Variants in SERTAD2 observed in about 807,000 individuals in gnomAD.
The protein encoded by SERTAD2 is SERTA domain containing 2.
Under a neutral mutation model 15.4 loss-of-function variants are expected in SERTAD2, and 2 were observed. The observed-to-expected ratio is 0.13, with a 90% CI of 0.05 to 0.41. The LOEUF (loss-of-function observed/expected upper bound fraction) is 0.41, where lower values mean the gene tolerates loss of function less well. SERTAD2 is among the 10% of genes least tolerant of loss of function. The pLI, the probability that SERTAD2 is intolerant of heterozygous loss-of-function variation, is 0.99. For missense variants in SERTAD2, 333 were observed against 409.7 expected (o/e 0.81, Z 1.62); for synonymous variants, 180 against 178.0 (o/e 1.01, Z -0.09).
chr2:64,635,392 C>T lies in SERTAD2; in HGVS notation c.*535G>A, dbSNP rs1392195366. ...TACAAAAATATAAAATAAATTTGGG[C>T]AGCAGTTTTCTAAACAGCCATGTAA... On this transcript the variant is annotated 3_prime_UTR_variant, in exon 2 of 2. Transcript: ENST00000313349. 6.6e-6 allele frequency: 1 copy of T among 152,662 alleles called. No homozygotes were observed. Among genetic ancestry groups the T allele is most frequent in the Non-Finnish European group, 1.5e-5 (1 of 68,100 alleles). The allele number at this position is 152,662 out of a possible 1,614,324, so 9.5% of individuals were successfully genotyped here.
rs757562683 is a variant in SERTAD2 at position 64,635,919 on chromosome 2, C to G, written c.*8G>C. On this transcript the variant is annotated 3_prime_UTR_variant, in exon 2 of 2. Coordinates refer to ENST00000313349, the MANE Select transcript of SERTAD2 (RefSeq NM_014755.3). Reference sequence around the variant, plus strand: ...TCTGGGTGGGCATAGTCGCTGGGTCCCTGGGTCTTAGGACCCAACAAGCAC... The same window carrying G: ...TCTGGGTGGGCATAGTCGCTGGGTCGCTGGGTCTTAGGACCCAACAAGCAC... The G allele has an allele frequency of 6.2e-7, 1 of 1,601,166 alleles. No individual in the cohort carries two copies. Among genetic ancestry groups the G allele is most frequent in the Non-Finnish European group, 8.6e-7 (1 of 1,169,076 alleles).
intron 1 of SERTAD2, among the ~76,000 whole-genome samples, chr2:64,637,483 T>C (rs1446925706): frequency 6.6e-6 from 1 of 152,216 alleles, no homozygotes; most frequent in African/African-American, 2.4e-5. Context: ...ACTGCACCTG[T>C]GTTAAATGAC....
intron 1 of SERTAD2, among the ~76,000 whole-genome samples, chr2:64,648,819 T>C (rs1447632924): frequency 6.6e-6 from 1 of 152,194 alleles, no homozygotes; most frequent in Admixed American, 6.5e-5. Context: ...TTTTATTTTA[T>C]ATTTCTGGAC....
At chr2:64,639,997 G>A (rs973864822) in intron 1 of SERTAD2, among the ~76,000 whole-genome samples, 1 of 152,080 alleles carries the variant, frequency 6.6e-6, no homozygotes, top group South Asian at 2.1e-4. Context: ...GCACCTCAGA[G>A]GTGTGAATAC....
rs1674580865 is a variant in SERTAD2, at chr2:64,633,482, C to T, written c.*2445G>A. On this transcript the variant is annotated 3_prime_UTR_variant, in exon 2 of 2. Transcript: ENST00000313349. Reference sequence around the variant, plus strand: ...TAAGTTACTGTAAATCAGTTTTTAACAATGGCAAACCAACTGTTTTACCCT... The same window carrying T: ...TAAGTTACTGTAAATCAGTTTTTAATAATGGCAAACCAACTGTTTTACCCT... 1 of 152,208 alleles carries T rather than the reference C, an allele frequency of 6.6e-6. No individual in the cohort carries two copies. Among genetic ancestry groups the T allele is most frequent in the Non-Finnish European group, 1.5e-5 (1 of 68,030 alleles). 9.4% of individuals were successfully genotyped at this position (152,208 alleles called of 1,614,324 possible).
intron 1 of SERTAD2, among the ~76,000 whole-genome samples, chr2:64,651,914 A>G (rs188325094): frequency 1.1e-3 from 171 of 152,212 alleles, no homozygotes; most frequent in African/African-American, 3.1e-3. Context: ...GGGTTGGGGG[A>G]TGTCAAATCC....
In SERTAD2 at chr2:64,634,389, T is replaced by C. The variant is rs1323856180; in HGVS notation, c.*1538A>G. The C allele has an allele frequency of 1.7e-5, 1 of 57,306 alleles. No individual in the cohort carries two copies. Among genetic ancestry groups the C allele is most frequent in the African/African-American group, 7.3e-5 (1 of 13,788 alleles). 3.5% of individuals were successfully genotyped at this position (57,306 alleles called of 1,614,324 possible). On this transcript the variant is annotated 3_prime_UTR_variant, in exon 2 of 2. Transcript: ENST00000313349. ...GGAGATAAGGTGATGGGGGGGGGAA[T>C]TGGGGGGAGGAGGGAAAACATGCAT...
chr2:64,639,382 T>C (rs1274776327), intron 1 of SERTAD2, among the ~76,000 whole-genome samples: 1 of 152,278 alleles, frequency 6.6e-6, no homozygotes, highest in Non-Finnish European at 1.5e-5. Context: ...TTATTTCATT[T>C]TATGATAATT....
chr2:64,651,980 T>C (rs1370743651), intron 1 of SERTAD2, among the ~76,000 whole-genome samples: 1 of 150,242 alleles, frequency 6.7e-6, no homozygotes, highest in Non-Finnish European at 1.5e-5. Flanking sequence ...AATTAGGGGG[T>C]GAAACAAGTA....
In SERTAD2 at chr2:64,632,658, T is replaced by G. The variant is rs1318797057; in HGVS notation, c.*3269A>C. On this transcript the variant is annotated 3_prime_UTR_variant, in exon 2 of 2. Coordinates refer to ENST00000313349, the MANE Select transcript of SERTAD2 (RefSeq NM_014755.3). ...AAACATTCCTCATACCTTTTGCATA[T>G]TTCAAATAGACCCATATTAGAGAAG... is the stretch of plus-strand genomic sequence containing the variant. 1 of 152,648 alleles carries G rather than the reference T, an allele frequency of 6.6e-6. No individual in the cohort carries two copies. The highest frequency in any genetic ancestry group is 2.4e-5 in the African/African-American group (1 of 41,450). 9.5% of individuals were successfully genotyped at this position (152,648 alleles called of 1,614,324 possible).
At chr2:64,637,653 C>A (rs570298726) in intron 1 of SERTAD2, among the ~76,000 whole-genome samples, 1 of 152,194 alleles carries the variant, frequency 6.6e-6, no homozygotes, top group Non-Finnish European at 1.5e-5. Context: ...ATAAGCATTG[C>A]TGTTTGGGTA....
Position 64,633,187 on chromosome 2 carries a change from G to T in SERTAD2, c.*2740C>A, listed in dbSNP as rs1394914225. 1 of 152,190 alleles carries T rather than the reference G, an allele frequency of 6.6e-6. No individual in the cohort carries two copies. Among genetic ancestry groups the T allele is most frequent in the Non-Finnish European group, 1.5e-5 (1 of 68,030 alleles). 9.4% of individuals were successfully genotyped at this position (152,190 alleles called of 1,614,324 possible). A position where few individuals can be genotyped will look rare whatever the true frequency, so the allele number is the denominator to read the frequency against. On this transcript the variant is annotated 3_prime_UTR_variant, in exon 2 of 2. Coordinates refer to ENST00000313349, the MANE Select transcript of SERTAD2 (RefSeq NM_014755.3). ...AGCAATTAGAACCCTAGATCATTTT[G>T]ATCTTTCTGAAAATGGGCTGCTAAT...
At chr2:64,639,584 G>T (rs1674727148) in intron 1 of SERTAD2, among the ~76,000 whole-genome samples, 2 of 152,170 alleles carry the variant, frequency 1.3e-5, no homozygotes, top group South Asian at 2.1e-4. Context: ...AGGGAAGATG[G>T]TGTAGACTCT....
At position 64,635,771 on chromosome 2, in the gene SERTAD2, C is replaced by CA; in HGVS notation, c.*155dup. The CA allele has an allele frequency of 1.6e-6, 1 of 627,798 alleles. No individual in the cohort carries two copies. Among genetic ancestry groups the CA allele is most frequent in the East Asian group, 2.8e-5 (1 of 36,360 alleles). 38.9% of individuals were successfully genotyped at this position (627,798 alleles called of 1,614,324 possible). ...TGGTCATACTTGGATGAAGGCACTC[C>CA]AACTCTGCTCAAAGCAAAAACTAGT... On this transcript the variant is annotated 3_prime_UTR_variant, in exon 2 of 2. Coordinates refer to ENST00000313349, the MANE Select transcript of SERTAD2 (RefSeq NM_014755.3).
intron 1 of SERTAD2, among the ~76,000 whole-genome samples, chr2:64,651,959 A>G (rs907523430): frequency 4.0e-4 from 61 of 152,128 alleles, no homozygotes; most frequent in African/African-American, 1.3e-3. Context: ...CAACATGGTT[A>G]TGTATATTTT....
At chr2:64,641,377 C>A (rs140680962) in intron 1 of SERTAD2, among the ~76,000 whole-genome samples, 8 of 152,240 alleles carry the variant, frequency 5.3e-5, no homozygotes, top group Non-Finnish European at 1.2e-4. Flanking sequence ...GGGCTGGGGG[C>A]GGCCGGGAGA....
chr2:64,652,307 T>C (rs950395398), intron 1 of SERTAD2, among the ~76,000 whole-genome samples: 1 of 152,090 alleles, frequency 6.6e-6, no homozygotes, highest in South Asian at 2.1e-4. Flanking sequence ...GGGTGAGACA[T>C]GCCTTCTGCT....
In SERTAD2 at chr2:64,636,620, G is replaced by T; in HGVS notation, c.252C>A (p.Pro84=). 1 of 1,612,636 alleles carries T rather than the reference G, an allele frequency of 6.2e-7. No individual in the cohort carries two copies. Among genetic ancestry groups the T allele is most frequent in the Non-Finnish European group, 8.5e-7 (1 of 1,178,932 alleles). Residue 84 remains proline, a synonymous_variant, in exon 2 of 2, where the codon CCC becomes CCA. Transcript: ENST00000313349. ...EELKQEGSLR[P]MFTPSSQPTT... ...TGGGCTGGGAGGAGGGGGTGAACAT[G>T]GGCCTCAGGCTGCCTTCCTGTTTGA...
intron 1 of SERTAD2, among the ~76,000 whole-genome samples, chr2:64,644,286 G>T (rs1674848754): frequency 6.6e-6 from 1 of 152,258 alleles, no homozygotes; most frequent in Non-Finnish European, 1.5e-5. Context: ...GAGGCTCAAA[G>T]TAGGGCCAGG....
Sources: allele counts gnomAD v4.1 joint callset (sites outside exome capture counted in the v4.1 genomes callset), GRCh38; gene constraint gnomAD v4.1.1; transcripts MANE v1.5; gene names NCBI Gene and HGNC (gene_info 2026-07-23, HGNC 2026-07-21).